AIMP1: variants seen among roughly 807,000 people sequenced by gnomAD.
AIMP1 encodes aminoacyl tRNA synthase complex-interacting multifunctional protein 1.
In AIMP1, 24 loss-of-function variants were observed where a neutral mutation model predicts 33.1. The ratio of observed to expected loss-of-function variants is 0.73; its 90% CI spans 0.53 to 1.02. AIMP1 has a LOEUF of 1.02. AIMP1 is among the 50% of genes least tolerant of loss of function. The pLI is 0.00. For synonymous variants in AIMP1, 120 were observed against 121.5 expected (o/e 0.99, Z 0.08); for missense variants, 367 against 364.8 (o/e 1.01, Z -0.05).
At chr4:106,320,132 G>C (rs1490954948) in intron 1 of AIMP1, among the ~76,000 whole-genome samples, 1 of 151,438 alleles carries the variant, frequency 6.6e-6, no homozygotes, top group Admixed American at 6.6e-5. Context: ...AAACTCTGAG[G>C]ATTTAAAATT....
chr4:106,342,062 T>C (rs1770117530), intron 6 of AIMP1, among the ~76,000 whole-genome samples: 1 of 152,144 alleles, frequency 6.6e-6, no homozygotes, highest in South Asian at 2.1e-4. Flanking sequence ...CTATTGTAAT[T>C]GGGATTGTGT....
At chr4:106,342,159 A>G (rs571456687) in intron 6 of AIMP1, among the ~76,000 whole-genome samples, 1 of 152,320 alleles carries the variant, frequency 6.6e-6, no homozygotes, top group Non-Finnish European at 1.5e-5. Flanking sequence ...AACTTTACTA[A>G]AGTCATTTAT....
At chr4:106,316,542 A>G (rs758325174), upstream of AIMP1, 6 of 1,551,514 alleles carry the variant, frequency 3.9e-6, no homozygotes, top group Non-Finnish European at 5.2e-6. Flanking sequence ...GGGTGGCTGG[A>G]CCTACATGCT....
At chr4:106,342,304 A>G (rs1370923063) in intron 6 of AIMP1, among the ~76,000 whole-genome samples, 1 of 152,170 alleles carries the variant, frequency 6.6e-6, no homozygotes, top group Non-Finnish European at 1.5e-5. Flanking sequence ...TGCTCTGTGT[A>G]GGACTCCCAG....
In AIMP1 at chr4:106,331,908, G is replaced by T. The variant is rs780422335; in HGVS notation, c.603+25G>T. ...GGTAATCTGTACAACTGAAATTCCT[G>T]TTGTGTACATACAACATTTTCATTC... On this transcript the variant is annotated intron_variant, in intron 5 of 6. Transcript: ENST00000672341. 5 of 1,598,032 alleles carry T rather than the reference G, an allele frequency of 3.1e-6. No individual in the cohort carries two copies. In the African/African-American group the frequency reaches 5.4e-5, roughly 17 times the overall value.
chr4:106,340,313 C>G (rs1428201162), intron 6 of AIMP1, among the ~76,000 whole-genome samples: 1 of 150,934 alleles, frequency 6.6e-6, no homozygotes, highest in Non-Finnish European at 1.5e-5. Context: ...ATTTTAGGCT[C>G]AAGGGATACA....
chr4:106,338,564 G>A (rs190183509), intron 6 of AIMP1, among the ~76,000 whole-genome samples: 8 of 152,286 alleles, frequency 5.3e-5, no homozygotes, highest in Middle Eastern at 3.4e-3. Context: ...GGGAACCTCC[G>A]CCTAGATTTC....
intron 6 of AIMP1, among the ~76,000 whole-genome samples, chr4:106,339,427 A>G (rs991974563): frequency 6.6e-6 from 1 of 152,140 alleles, no homozygotes; most frequent in Non-Finnish European, 1.5e-5. Context: ...AAAAAGTCTC[A>G]TGAGAGCTGA....
At chr4:106,328,534 A>G (rs546048052) in intron 4 of AIMP1, among the ~76,000 whole-genome samples, 2 of 152,304 alleles carry the variant, frequency 1.3e-5, no homozygotes, top group African/African-American at 4.8e-5. Context: ...GTATGGCTGA[A>G]TTTTGGTATC....
At chr4:106,331,618 GT>G in intron 4 of AIMP1, 53 bp from the exon 5 acceptor site, 1 of 1,533,176 alleles carries the variant, frequency 6.5e-7, no homozygotes, top group African/African-American at 1.4e-5. Flanking sequence ...TTTTCATAGT[GT>G]TTTTTTGCTT....
At chr4:106,323,605 T>TA (rs55681102) in intron 1 of AIMP1, among the ~76,000 whole-genome samples, 2,857 of 135,294 alleles carry the variant, frequency 0.021, 29 homozygotes, top group Middle Eastern at 0.099. Flanking sequence ...AAAGTTAAAG[T>TA]AAAAAAAAAA....
Position 106,348,870 on chromosome 4 carries a change from G to A in AIMP1, c.*1178G>A, listed in dbSNP as rs13534. On this transcript the variant is annotated 3_prime_UTR_variant, in exon 7 of 7. Transcript: ENST00000672341. ...TGGCATCAATAGAGGCAGAAGTATA[G>A]ACATTGTTTTAAAAATACACACATG... The A allele has an allele frequency of 0.2, 29,922 of 151,908 alleles. 3,349 individuals are homozygous for A. Among genetic ancestry groups the A allele is most frequent in the South Asian group, 0.27 (1,276 of 4,802 alleles). 9.4% of individuals were successfully genotyped at this position (151,908 alleles called of 1,614,324 possible).
At chr4:106,323,220 G>C (rs1769331277) in intron 1 of AIMP1, among the ~76,000 whole-genome samples, 1 of 151,894 alleles carries the variant, frequency 6.6e-6, no homozygotes, top group Admixed American at 6.6e-5. Flanking sequence ...CAGTAAAATT[G>C]TATTTTTTTC....
intron 6 of AIMP1, among the ~76,000 whole-genome samples, chr4:106,338,000 A>G (rs1352971106): frequency 4.6e-5 from 7 of 152,208 alleles, no homozygotes; most frequent in Non-Finnish European, 7.3e-5. Context: ...CTAGAGATCT[A>G]TGGAACTTTG....
intron 6 of AIMP1, among the ~76,000 whole-genome samples, chr4:106,337,600 T>G (rs749550593): frequency 2.1e-4 from 32 of 152,216 alleles, no homozygotes; most frequent in Non-Finnish European, 3.8e-4. Flanking sequence ...ATATCTTTAT[T>G]AGCAGCGTGA....
upstream of AIMP1, chr4:106,316,331 C>A: frequency 1.8e-6 from 1 of 559,166 alleles, no homozygotes; most frequent in Non-Finnish European, 3.3e-6. Context: ...GGACATATAG[C>A]GAGAGAGAAA....
chr4:106,343,208 CAA>C (rs1454760341), intron 6 of AIMP1, among the ~76,000 whole-genome samples: 1 of 152,080 alleles, frequency 6.6e-6, no homozygotes, highest in Non-Finnish European at 1.5e-5. Context: ...AATTTGTGTG[CAA>C]AGAGATGTTT....
chr4:106,320,674 C>A (rs574137659), intron 1 of AIMP1, among the ~76,000 whole-genome samples: 14 of 152,052 alleles, frequency 9.2e-5, no homozygotes, highest in African/African-American at 2.9e-4. Flanking sequence ...AAAAAAGGAG[C>A]CCTGAAAGGA....
intron 6 of AIMP1, among the ~76,000 whole-genome samples, chr4:106,346,825 TATTAATCC>T (rs756764904): frequency 6.6e-6 from 1 of 152,180 alleles, no homozygotes; most frequent in Non-Finnish European, 1.5e-5. Flanking sequence ...AAAATGAGTA[TATTAATCC>T]ATTCATGCAC....
Sources: gnomAD v4.1 joint callset for allele counts (sites outside exome capture counted in the v4.1 genomes callset) on GRCh38, gnomAD v4.1.1 for gene constraint, MANE v1.5 for transcripts, NCBI Gene and HGNC (gene_info 2026-07-23, HGNC 2026-07-21) for gene names.